The following CNTNAP2 variants were observed in gnomAD, a reference collection of about 807,000 sequenced individuals.
The protein encoded by CNTNAP2 is contactin associated protein 2.
Under a neutral mutation model 155.2 loss-of-function variants are expected in CNTNAP2, and 98 were observed. That is an observed-to-expected ratio of 0.63 (90% CI 0.54 to 0.75). The LOEUF is 0.75. Ranked by LOEUF, CNTNAP2 falls within the 30% of genes least tolerant of loss-of-function variation. CNTNAP2 has a pLI of 0.00. For synonymous variants in CNTNAP2, 651 were observed against 631.2 expected, an observed-to-expected ratio of 1.03 and a Z score of -0.47; for missense variants, 1,727 against 1,688.1, an observed-to-expected ratio of 1.02 and a Z score of -0.40.
intron 3 of CNTNAP2, among the ~76,000 whole-genome samples, chr7:146,908,030 A>C (rs1796178682): frequency 6.6e-6 from 1 of 152,166 alleles, no homozygotes; most frequent in Non-Finnish European, 1.5e-5. Flanking sequence ...ACTTTAAACC[A>C]ACAAAGATCA....
At chr7:147,126,796 A>C (rs552318083) in intron 6 of CNTNAP2, among the ~76,000 whole-genome samples, 1 of 152,190 alleles carries the variant, frequency 6.6e-6, no homozygotes, top group African/African-American at 2.4e-5. Flanking sequence ...TTATAACTAG[A>C]AAGAATAAAT....
chr7:147,493,068 A>G (rs1798637667), intron 11 of CNTNAP2, among the ~76,000 whole-genome samples: 1 of 152,232 alleles, frequency 6.6e-6, no homozygotes, highest in Admixed American at 6.5e-5. Flanking sequence ...CTAAGTTTCG[A>G]AAAACAGCTA....
At chr7:148,413,401 A>AAAAAAAAAAAAAAAAAATATATAT (rs1442990213) in intron 23 of CNTNAP2, among the ~76,000 whole-genome samples, 1 of 45,366 alleles carries the variant, frequency 2.2e-5, no homozygotes, top group Non-Finnish European at 4.2e-5. Flanking sequence ...TCAAAAAAAA[A>AAAAAAAAAAAAAAAAAATATATAT]ATATATATAT....
chr7:147,185,744 A>G (rs906204516), intron 8 of CNTNAP2, among the ~76,000 whole-genome samples: 9 of 152,114 alleles, frequency 5.9e-5, no homozygotes, highest in Non-Finnish European at 1.3e-4. Context: ...CCCCACCCAA[A>G]TCTCATCTTG....
intron 17 of CNTNAP2, among the ~76,000 whole-genome samples, chr7:148,171,583 G>T (rs996568176): frequency 2.0e-5 from 3 of 152,150 alleles, no homozygotes; most frequent in Non-Finnish European, 4.4e-5. Context: ...CACAGTGAAC[G>T]TGCTTATTGT....
intron 3 of CNTNAP2, among the ~76,000 whole-genome samples, chr7:146,871,603 T>C (rs186043499): frequency 7.2e-5 from 11 of 151,964 alleles, no homozygotes; most frequent in Admixed American, 1.3e-4. Flanking sequence ...TCATCAATGA[T>C]AGGCTAGAAA....
intron 1 of CNTNAP2, among the ~76,000 whole-genome samples, chr7:146,158,014 CG>C (rs1410154638): frequency 2.3e-4 from 35 of 152,244 alleles, no homozygotes; most frequent in Middle Eastern, 6.8e-3. Flanking sequence ...CTCATACAGC[CG>C]GGTGCCCCTC....
intron 1 of CNTNAP2, among the ~76,000 whole-genome samples, chr7:146,496,158 A>G (rs1797212248): frequency 6.6e-6 from 1 of 152,174 alleles, no homozygotes; most frequent in African/African-American, 2.4e-5. Context: ...TGAAGAAAAC[A>G]TACAGCCTTC....
At chr7:146,879,919 A>G (rs977061440) in intron 3 of CNTNAP2, among the ~76,000 whole-genome samples, 1 of 152,058 alleles carries the variant, frequency 6.6e-6, no homozygotes, top group Non-Finnish European at 1.5e-5. Context: ...TGAAGGCAAA[A>G]GGCACATCTT....
At chr7:147,951,652 G>GT (rs1306439422) in intron 14 of CNTNAP2, among the ~76,000 whole-genome samples, 12 of 152,010 alleles carry the variant, frequency 7.9e-5, no homozygotes, top group African/African-American at 2.9e-4. Flanking sequence ...TAGACCTTGG[G>GT]TGGGGGGAAG....
chr7:146,898,804 C>T (rs1795933532), intron 3 of CNTNAP2, among the ~76,000 whole-genome samples: 1 of 151,988 alleles, frequency 6.6e-6, no homozygotes. Flanking sequence ...CACTTTGACT[C>T]TTGCAGGTGT....
intron 1 of CNTNAP2, among the ~76,000 whole-genome samples, chr7:146,589,621 A>T (rs1437083679): frequency 6.6e-6 from 1 of 151,998 alleles, no homozygotes; most frequent in African/African-American, 2.4e-5. Context: ...TAGGGGAGGG[A>T]TAGTATTAGG....
At chr7:147,775,015 A>G (rs1797537373) in intron 13 of CNTNAP2, among the ~76,000 whole-genome samples, 1 of 151,476 alleles carries the variant, frequency 6.6e-6, no homozygotes. Flanking sequence ...TATGTAGTAT[A>G]TGATTAACAT....
intron 1 of CNTNAP2, among the ~76,000 whole-genome samples, chr7:146,329,120 A>AATTTCCATTCCCACCAGCAGGAAC (rs1322727304): frequency 3.2e-4 from 49 of 152,088 alleles, no homozygotes; most frequent in Admixed American, 3.1e-3. Context: ...TGACTTTACT[A>AATTTCCATTCCCACCAGCAGGAAC]ATTTCCATTC....
chr7:146,970,543 A>T (rs369458111), intron 3 of CNTNAP2, among the ~76,000 whole-genome samples: 3 of 152,088 alleles, frequency 2.0e-5, no homozygotes, highest in East Asian at 1.9e-4. Context: ...ATGGCAATCA[A>T]TAAAAAGTCA....
chr7:146,759,106 CT>C (rs137990463), intron 1 of CNTNAP2, among the ~76,000 whole-genome samples: 26,332 of 151,952 alleles, frequency 0.17, 2,449 homozygotes, highest in South Asian at 0.28. Context: ...TTCATAAAAT[CT>C]GTCTGAAAAC....
At chr7:147,909,497 C>T (rs550763308) in intron 14 of CNTNAP2, among the ~76,000 whole-genome samples, 43 of 152,214 alleles carry the variant, frequency 2.8e-4, no homozygotes, top group African/African-American at 8.7e-4. Flanking sequence ...CCTGTGAGTA[C>T]GATCACCATT....
chr7:146,368,950 G>C (rs879934114), intron 1 of CNTNAP2, among the ~76,000 whole-genome samples: 3 of 147,100 alleles, frequency 2.0e-5, no homozygotes, highest in African/African-American at 7.6e-5. Context: ...CCAGTCAAAA[G>C]CTTGAAATTA....
At chr7:146,643,310 T>A (rs1440329299) in intron 1 of CNTNAP2, among the ~76,000 whole-genome samples, 6 of 152,096 alleles carry the variant, frequency 3.9e-5, no homozygotes, top group African/African-American at 1.4e-4. Flanking sequence ...GTTTAAGTCT[T>A]GAATCCATCT....
Sources: gnomAD v4.1 joint callset for allele counts (sites outside exome capture counted in the v4.1 genomes callset) on GRCh38, gnomAD v4.1.1 for gene constraint, MANE v1.5 for transcripts, NCBI Gene and HGNC (gene_info 2026-07-23, HGNC 2026-07-21) for gene names.